The following UBE4B variants were observed in gnomAD, a reference collection of about 807,000 sequenced individuals.
The protein encoded by UBE4B is ubiquitination factor E4B.
A neutral mutation model predicts 148.1 loss-of-function variants in UBE4B; 27 were observed. The ratio of observed to expected loss-of-function variants is 0.18; its 90% CI spans 0.13 to 0.25. The LOEUF is 0.25. Ranked by LOEUF, UBE4B falls within the 10% of genes least tolerant of loss-of-function variation. UBE4B has a pLI of 1.00. For synonymous variants in UBE4B, 596 were observed against 619.3 expected (o/e 0.96, Z 0.56); for missense variants, 1,170 against 1,662.4 (o/e 0.70, Z 5.15).
At chr1:10,175,630 G>T (rs112515234) in intron 25 of UBE4B, among the ~76,000 whole-genome samples, 1 of 152,002 alleles carries the variant, frequency 6.6e-6, no homozygotes, top group Admixed American at 6.6e-5. Flanking sequence ...CAGCCTGGGC[G>T]ACAGAGCGAG....
chr1:10,048,459 A>G (rs532663164), intron 1 of UBE4B, among the ~76,000 whole-genome samples: 2 of 152,268 alleles, frequency 1.3e-5, no homozygotes, highest in South Asian at 4.1e-4. Context: ...CTAGAGAGTG[A>G]GCATAAATGC....
chr1:10,139,585 A>G (rs1002930526), intron 17 of UBE4B, among the ~76,000 whole-genome samples: 2 of 152,204 alleles, frequency 1.3e-5, no homozygotes, highest in African/African-American at 4.8e-5. Context: ...TAATATATAT[A>G]AGACTATTTA....
At chr1:10,073,907 T>C (rs902922578) in intron 2 of UBE4B, among the ~76,000 whole-genome samples, 7 of 151,200 alleles carry the variant, frequency 4.6e-5, no homozygotes, top group Non-Finnish European at 8.8e-5. Flanking sequence ...TGGCTTCCCA[T>C]TTCTTTCTTT....
chr1:10,113,820 C>T (rs897202051), intron 7 of UBE4B, among the ~76,000 whole-genome samples: 1 of 151,872 alleles, frequency 6.6e-6, no homozygotes, highest in Non-Finnish European at 1.5e-5. Flanking sequence ...TAATCCTAGC[C>T]CTTTGGGAGG....
intron 11 of UBE4B, 65 bp from the exon 12 acceptor site, chr1:10,129,327 T>G: frequency 1.3e-6 from 2 of 1,496,128 alleles, no homozygotes; most frequent in Non-Finnish European, 1.9e-6. Flanking sequence ...AACTGTTTCT[T>G]TATGCTACAA....
rs1288840633 is a variant in UBE4B at position 10,179,444 on chromosome 1, C to A, written c.3729C>A (p.Asp1243Glu). Reference sequence around the variant, plus strand: ...CTCTGATGGACACCCTCATGACAGACCCCGTGCGGCTGCCCTCTGGCACCA... The same window carrying A: ...CTCTGATGGACACCCTCATGACAGAACCCGTGCGGCTGCCCTCTGGCACCA... ...RDPLMDTLMT[D>E]PVRLPSGTIM... The change falls in exon 27 of 28, where the codon GAC becomes GAA. Residue 1243 changes from aspartate to glutamate, a missense_variant. This residue lies in a region of UBE4B where 348 missense variants were observed against 627.2 expected (regional missense o/e 0.55). Transcript: ENST00000343090. 4 of 1,613,932 alleles carry A rather than the reference C, an allele frequency of 2.5e-6. No individual in the cohort carries two copies. The highest frequency in any genetic ancestry group is 3.4e-6 in the Non-Finnish European group (4 of 1,180,044).
chr1:10,172,228 C>G lies in UBE4B; in HGVS notation c.3525+899C>G, dbSNP rs189596472. 4.6e-5 allele frequency among the ~76,000 whole-genome samples: 7 copies of G among 152,332 alleles called. No individual in the cohort carries two copies. The South Asian group carries it at 1.0e-3, about 23-fold the overall frequency. On this transcript the variant is annotated intron_variant, in intron 25 of 27. Coordinates refer to ENST00000343090, the MANE Select transcript of UBE4B (RefSeq NM_001105562.3). Reference sequence around the variant, plus strand: ...GGCTAAGCTGTCCCTGCGTGATCTTCTAGTCATCCCATAAAGGGCTGGCCC... The same window carrying G: ...GGCTAAGCTGTCCCTGCGTGATCTTGTAGTCATCCCATAAAGGGCTGGCCC...
At chr1:10,152,102 G>GA (rs1321076852) in intron 21 of UBE4B, among the ~76,000 whole-genome samples, 1 of 149,624 alleles carries the variant, frequency 6.7e-6, no homozygotes, top group Non-Finnish European at 1.5e-5. Flanking sequence ...ACTAAAAATA[G>GA]AAAAAAAAAT....
chr1:10,129,356 T>G, intron 11 of UBE4B, 36 bp from the exon 12 acceptor site: 1 of 1,585,918 alleles, frequency 6.3e-7, no homozygotes, highest in African/African-American at 1.3e-5. Flanking sequence ...CAGTTTAAGA[T>G]GAAATGCATT....
chr1:10,122,490 C>G (rs2101925134), intron 10 of UBE4B, among the ~76,000 whole-genome samples: 1 of 152,354 alleles, frequency 6.6e-6, no homozygotes, highest in African/African-American at 2.4e-5. Flanking sequence ...CATTGGCAGC[C>G]TGCATGCCAT....
Position 10,115,164 on chromosome 1 carries a change from C to CT in UBE4B, c.1197-2276dup, listed in dbSNP as rs5772396. Among the ~76,000 whole-genome samples, 658 of 137,034 alleles carry CT rather than the reference C, an allele frequency of 4.8e-3. 2 individuals are homozygous for CT. Among genetic ancestry groups the CT allele is most frequent in the African/African-American group, 0.011 (402 of 37,578 alleles). The allele number at this position is 137,034 out of a possible 152,430, so 89.9% of individuals were successfully genotyped here. ...CTTACTGAAATACTTTAATACCATA[C>CT]TTTTTTTTTTTTTTTTTTTAATAGC... is the stretch of plus-strand genomic sequence containing the variant. On this transcript the variant is annotated intron_variant, in intron 7 of 27. Coordinates refer to ENST00000343090, the MANE Select transcript of UBE4B (RefSeq NM_001105562.3).
chr1:10,114,381 ATATT>A (rs1313072670), intron 7 of UBE4B, among the ~76,000 whole-genome samples: 1 of 152,246 alleles, frequency 6.6e-6, no homozygotes, highest in East Asian at 1.9e-4. Flanking sequence ...GCAAAGATAG[ATATT>A]TATTTTTTCC....
chr1:10,111,260 T>C (rs72861453), intron 7 of UBE4B, among the ~76,000 whole-genome samples: 13,531 of 151,892 alleles, frequency 0.089, 1,287 homozygotes, highest in African/African-American at 0.24. Context: ...ACACCAAGCA[T>C]ACATGCACAT....
rs34066776 is a variant in UBE4B at position 10,101,498 on chromosome 1, CTTTTTTTTTTTTT to C, written c.435+319_435+331del. 9.6e-4 allele frequency among the ~76,000 whole-genome samples: 54 copies of C among 56,180 alleles called. 1 individual carries two copies. Among genetic ancestry groups the C allele is most frequent in the Admixed American group, 5.6e-3 (24 of 4,254 alleles). The allele number at this position is 56,180 out of a possible 152,430, so 36.9% of individuals were successfully genotyped here. A position where few individuals can be genotyped will look rare whatever the true frequency, so the allele number is the denominator to read the frequency against. On this transcript the variant is annotated intron_variant, in intron 4 of 27. Transcript: ENST00000343090. ...TAGAATTCTTTCTGTTGGTCTTTTG[CTTTTTTTTTTTTT>C]TTTTTTTTTTTTTTTGAGACAGAGT...
intron 22 of UBE4B, among the ~76,000 whole-genome samples, chr1:10,159,850 C>T (rs1261745141): frequency 1.3e-5 from 2 of 152,172 alleles, no homozygotes; most frequent in Admixed American, 6.5e-5. Flanking sequence ...TTCTGTGAAG[C>T]AAACTTTTTA....
At chr1:10,132,174 T>C (rs1164484893) in intron 14 of UBE4B, among the ~76,000 whole-genome samples, 195 bp from the exon 15 acceptor site, 1 of 152,148 alleles carries the variant, frequency 6.6e-6, no homozygotes, top group African/African-American at 2.4e-5. Flanking sequence ...CCACTCCATA[T>C]TCTGCTTTCA....
chr1:10,104,779 A>G (rs1645078703), intron 5 of UBE4B, among the ~76,000 whole-genome samples: 2 of 152,198 alleles, frequency 1.3e-5, no homozygotes, highest in African/African-American at 2.4e-5. Context: ...TAAAATTTCC[A>G]TGAGTTAAAA....
chr1:10,180,045 G>A lies in UBE4B; in HGVS notation c.*89G>A. The A allele has an allele frequency of 1.9e-6, 3 of 1,570,822 alleles. No individual in the cohort carries two copies. In the South Asian group the frequency reaches 3.4e-5, roughly 18 times the overall value. On this transcript the variant is annotated 3_prime_UTR_variant, in exon 28 of 28. Coordinates refer to ENST00000343090, the MANE Select transcript of UBE4B (RefSeq NM_001105562.3). ...GCCGCAGCGAAGCTGCCGTTCATGT[G>A]TTGGAGGCCAAATGTGGCAAACCAA...
intron 21 of UBE4B, among the ~76,000 whole-genome samples, chr1:10,157,342 G>A (rs1646089866): frequency 6.6e-6 from 1 of 152,092 alleles, no homozygotes; most frequent in African/African-American, 2.4e-5. Flanking sequence ...GCCACGCGTG[G>A]TGGATACACC....
Sources: gnomAD v4.1 joint callset for allele counts (sites outside exome capture counted in the v4.1 genomes callset) on GRCh38, gnomAD v4.1.1 for gene constraint, gnomAD v4.1.1 regional missense constraint, MANE v1.5 for transcripts, NCBI Gene and HGNC (gene_info 2026-07-23, HGNC 2026-07-21) for gene names.